MRM1: variants seen among roughly 807,000 people sequenced by gnomAD.
MRM1 encodes mitochondrial rRNA methyltransferase 1.
Under a neutral mutation model 25.0 loss-of-function variants are expected in MRM1, and 24 were observed. That is an observed-to-expected ratio of 0.96 (90% confidence interval 0.69 to 1.35). MRM1 has a LOEUF of 1.35. Among genes scored for constraint, MRM1 ranks in the 40% most tolerant of loss-of-function variants. The pLI is 0.00. For synonymous variants in MRM1, 188 were observed against 199.2 expected (o/e 0.94, Z 0.47); for missense variants, 431 against 464.1 (o/e 0.93, Z 0.65).
the MRM1 span, among the ~76,000 whole-genome samples, chr17:36,623,359 A>G: frequency 2.0e-4 from 30 of 152,334 alleles, no homozygotes; most frequent in South Asian, 5.6e-3. Context: ...TGACACTTCA[A>G]TGAAGAACAA....
chr17:36,619,655 G>A, the MRM1 span, among the ~76,000 whole-genome samples: 1 of 150,936 alleles, frequency 6.6e-6, no homozygotes, highest in Non-Finnish European at 1.5e-5. Context: ...GCGACAGAGT[G>A]AGTCTCAAAA....
chr17:36,625,548 G>A, the MRM1 span, among the ~76,000 whole-genome samples: 13 of 127,716 alleles, frequency 1.0e-4, no homozygotes, highest in East Asian at 2.9e-3. Context: ...TGCAAACTCC[G>A]CCTCCTGGGT....
In MRM1 at chr17:36,608,368, C is replaced by T; in HGVS notation, c.1015C>T (p.Pro339Ser). Residue 339 changes from proline (P) to serine (S), a missense_variant, in exon 5 of 5, where the codon CCA becomes TCA. Pro to Ser is a moderately conservative substitution (Grantham distance 74, BLOSUM62 -1). Coordinates refer to ENST00000614766, the MANE Select transcript of MRM1 (RefSeq NM_024864.5). ...RSEGLSMAQH[P>S]GLSSGPEKER... is the part of the protein sequence containing the mutation. ...TGAAGGGCTCAGCATGGCTCAGCAC[C>T]CAGGGCTGTCTTCAGGCCCAGAGAA... 6.2e-7 allele frequency: 1 copy of T among 1,601,956 alleles called. No homozygotes were observed.
rs756009710 is a variant in MRM1 at position 36,607,992 on chromosome 17, A to G, written c.863A>G (p.Glu288Gly). Residue 288 changes from glutamate to glycine, a missense_variant, in exon 4 of 5, where the codon GAG becomes GGG. Glu to Gly is a moderately conservative substitution (Grantham distance 98). Coordinates refer to ENST00000614766, the MANE Select transcript of MRM1 (RefSeq NM_024864.5). ...CGGCGCCAGCTGCCTCCTGGACTTG[A>G]GTCCTTGAACGTCTCTGTGGCTGCA... ...LPRRQLPPGL[E>G]SLNVSVAAGI... The G allele has an allele frequency of 2.5e-6, 4 of 1,614,002 alleles. No individual in the cohort carries two copies. The South Asian group carries it at 4.4e-5, about 18-fold the overall frequency.
rs1165110296 is a variant in MRM1, at chr17:36,601,980, C to T, written c.170C>T (p.Pro57Leu). ...CTGGAGCTTCTGTTTGGCATGACCC[C>T]GTGTCTCCTGGCTCTGCAGGCCGCC... is the stretch of plus-strand genomic sequence containing the variant. ...SRLELLFGMT[P>L]CLLALQAARR... The change falls in exon 1 of 5, where the codon CCG becomes CTG. Residue 57 changes from proline (P) to leucine (L), a missense_variant. By Grantham distance (98) the Pro-to-Leu change is moderately conservative (BLOSUM62 -3). Coordinates refer to ENST00000614766, the MANE Select transcript of MRM1 (RefSeq NM_024864.5). The T allele has an allele frequency of 2.5e-6, 4 of 1,612,240 alleles. No homozygotes were observed. Among genetic ancestry groups the T allele is most frequent in the South Asian group, 1.1e-5 (1 of 90,984 alleles).
At position 36,602,488 on chromosome 17, in the gene MRM1, T is replaced by C. The variant is rs112581593; in HGVS notation, c.543-65T>C. 0.03 allele frequency: 48,797 copies of C among 1,609,584 alleles called. 864 individuals are homozygous for C. Among genetic ancestry groups the C allele is most frequent in the South Asian group, 0.066 (5,978 of 90,814 alleles). On this transcript the variant is annotated intron_variant, in intron 1 of 4. Coordinates refer to ENST00000614766, the MANE Select transcript of MRM1 (RefSeq NM_024864.5). This position sits in a 1 kb window ranked among gnomAD's most constrained non-coding sequence, Gnocchi z 4.1. ...TCATCCCCCTAGCCCTTGGGAGCCC[T>C]GGGAGGGTAGGGAGCCGGGCTTGAG...
In MRM1 at chr17:36,601,629, C is replaced by G; in HGVS notation, c.-182C>G. The G allele has an allele frequency of 1.7e-6, 1 of 593,614 alleles. No homozygotes were observed. The highest frequency in any genetic ancestry group is 2.7e-6 in the Non-Finnish European group (1 of 374,754). 36.8% of individuals were successfully genotyped at this position (593,614 alleles called of 1,614,324 possible). A position where few individuals can be genotyped will look rare whatever the true frequency, so the allele number is the denominator to read the frequency against. ...ACGTGGGAGCCTGGGAGCGGGTGGTCGTAGCTCGGTAGTCCAGTTGTGGGT... is the reference window on the plus strand; with the variant it reads ...ACGTGGGAGCCTGGGAGCGGGTGGTGGTAGCTCGGTAGTCCAGTTGTGGGT... On this transcript the variant is annotated 5_prime_UTR_variant, in exon 1 of 5. Transcript: ENST00000614766.
chr17:36,632,662 G>A, the MRM1 span, among the ~76,000 whole-genome samples: 1 of 152,312 alleles, frequency 6.6e-6, no homozygotes, highest in South Asian at 2.1e-4. Flanking sequence ...TTGATTGGGT[G>A]AAAGGATCAT....
downstream of MRM1, among the ~76,000 whole-genome samples, chr17:36,610,509 G>A (rs1418724519): frequency 6.6e-6 from 1 of 152,194 alleles, no homozygotes; most frequent in Non-Finnish European, 1.5e-5. Context: ...TGGGATTACA[G>A]GCGTGAGCCA....
intron 2 of MRM1, among the ~76,000 whole-genome samples, chr17:36,604,052 G>T (rs1599577849): frequency 2.0e-5 from 3 of 152,302 alleles, no homozygotes; most frequent in African/African-American, 7.2e-5. Context: ...TGTTGCTGTG[G>T]AAGAGCTGGA....
At chr17:36,626,513 C>T in the MRM1 span, among the ~76,000 whole-genome samples, 1 of 152,150 alleles carries the variant, frequency 6.6e-6, no homozygotes, top group East Asian at 1.9e-4. Context: ...CAGGCGCCCA[C>T]TACCACACCT....
At chr17:36,626,581 G>A in the MRM1 span, among the ~76,000 whole-genome samples, 38 of 152,166 alleles carry the variant, frequency 2.5e-4, no homozygotes, top group East Asian at 9.7e-4. Context: ...GGCTGATCTC[G>A]AACTCCTGAC....
chr17:36,607,744 G>C lies in MRM1; in HGVS notation c.711G>C (p.Glu237Asp), dbSNP rs2074943385. Residue 237 changes from glutamate (E) to aspartate (D), a missense_variant, in exon 3 of 5, where the codon GAG (glutamate) becomes GAC (aspartate). Glu to Asp is a conservative substitution (Grantham distance 45, BLOSUM62 2). Transcript: ENST00000614766. Reference protein sequence around the residue: ...CPSTEDPQSSEIPIMSCLEFL... With the variant: ...CPSTEDPQSSDIPIMSCLEFL... ...GCACAGAGGATCCCCAGTCCTCCGA[G>C]ATCCCCATCATGAGTTGCTTGGAGT... 6.2e-7 allele frequency: 1 copy of C among 1,614,098 alleles called. No homozygotes were observed. Among genetic ancestry groups the C allele is most frequent in the African/African-American group, 1.3e-5 (1 of 74,946 alleles).
At chr17:36,604,937 C>T (rs567439660) in intron 2 of MRM1, among the ~76,000 whole-genome samples, 5 of 151,768 alleles carry the variant, frequency 3.3e-5, no homozygotes, top group South Asian at 2.1e-4. Flanking sequence ...GTCAGGAGTT[C>T]GAGACCAACC....
chr17:36,626,133 C>T, the MRM1 span, among the ~76,000 whole-genome samples: 9 of 152,166 alleles, frequency 5.9e-5, no homozygotes, highest in Non-Finnish European at 1.2e-4. Context: ...TCCCCGCCCC[C>T]GGACCCATCC....
the MRM1 span, among the ~76,000 whole-genome samples, chr17:36,627,160 G>A: frequency 1.3e-5 from 2 of 152,186 alleles, no homozygotes; most frequent in African/African-American, 4.8e-5. Context: ...CTCTTAGTCT[G>A]TCTCTTGGGG....
the MRM1 span, among the ~76,000 whole-genome samples, chr17:36,616,996 G>C: frequency 6.6e-6 from 1 of 152,172 alleles, no homozygotes; most frequent in Non-Finnish European, 1.5e-5. Flanking sequence ...GAGTAGCTGG[G>C]ATTACAGGCA....
chr17:36,622,759 C>A, the MRM1 span, among the ~76,000 whole-genome samples: 3 of 152,030 alleles, frequency 2.0e-5, no homozygotes, highest in Admixed American at 6.6e-5. Flanking sequence ...GTGGCGGTGC[C>A]CTGCAGGGGT....
At chr17:36,613,822 C>T (rs574182535), downstream of MRM1, among the ~76,000 whole-genome samples, 37 of 152,244 alleles carry the variant, frequency 2.4e-4, no homozygotes, top group African/African-American at 7.9e-4. Flanking sequence ...CAGGAGTTCT[C>T]GGTGGGTCAG....
Sources: allele counts gnomAD v4.1 joint callset (sites outside exome capture counted in the v4.1 genomes callset), GRCh38; gene constraint gnomAD v4.1.1; non-coding constraint Gnocchi (gnomAD v3.1); transcripts MANE v1.5; gene names NCBI Gene and HGNC (gene_info 2026-07-23, HGNC 2026-07-21).